The following ULK1 variants were observed in gnomAD, a reference collection of about 807,000 sequenced individuals.
The protein encoded by ULK1 is serine/threonine-protein kinase ULK1.
A neutral mutation model predicts 117.5 loss-of-function variants in ULK1; 48 were observed. That is an observed-to-expected ratio of 0.41 (90% CI 0.32 to 0.52). The LOEUF (loss-of-function observed/expected upper bound fraction) is 0.52, where lower values mean the gene tolerates loss of function less well. ULK1 is among the 20% of genes least tolerant of loss of function. ULK1 has a pLI of 0.29. For synonymous variants in ULK1, 790 were observed against 637.8 expected (o/e 1.24, Z -3.60); for missense variants, 1,387 against 1,473.4 (o/e 0.94, Z 0.96).
chr12:131,901,832 G>C (rs995851609), intron 3 of ULK1, among the ~76,000 whole-genome samples: 1 of 152,042 alleles, frequency 6.6e-6, no homozygotes, highest in Non-Finnish European at 1.5e-5. Flanking sequence ...GCCGGGTCTC[G>C]GGGGGAATGT....
chr12:131,917,961 G>A (rs1221037413), intron 22 of ULK1, among the ~76,000 whole-genome samples: 1 of 152,204 alleles, frequency 6.6e-6, no homozygotes, highest in Non-Finnish European at 1.5e-5. Flanking sequence ...GGTGTGTGGG[G>A]ATGCTCTGGG....
chr12:131,916,763 A>C (rs1889807323), intron 20 of ULK1, among the ~76,000 whole-genome samples, 172 bp downstream of exon 20: 1 of 152,110 alleles, frequency 6.6e-6, no homozygotes, highest in African/African-American at 2.4e-5. Flanking sequence ...GGCTGGCCCT[A>C]GACCCACAGC....
chr12:131,908,045 C>T (rs1206855606), intron 5 of ULK1, among the ~76,000 whole-genome samples: 2 of 151,920 alleles, frequency 1.3e-5, no homozygotes, highest in Admixed American at 6.5e-5. Context: ...TCCTGAGGGT[C>T]TGGAGGTGGC....
In ULK1 at chr12:131,908,586, G is replaced by T. The variant is rs1021552287; in HGVS notation, c.317-58G>T. ...TGGCGGGACCGGCCTGGCTGCGCGGGACTCACCCCTGGGGGAGGAAACACG... is the reference window on the plus strand; with the variant it reads ...TGGCGGGACCGGCCTGGCTGCGCGGTACTCACCCCTGGGGGAGGAAACACG... On this transcript the variant is annotated intron_variant, in intron 5 of 27. Transcript: ENST00000321867. The T allele has an allele frequency of 2.1e-6, 3 of 1,425,452 alleles. No homozygotes were observed. In the South Asian group the frequency reaches 4.5e-5, roughly 21 times the overall value. The allele number at this position is 1,425,452 out of a possible 1,614,324, so 88.3% of individuals were successfully genotyped here.
intron 5 of ULK1, among the ~76,000 whole-genome samples, chr12:131,907,862 T>G (rs947555892): frequency 3.8e-4 from 56 of 146,472 alleles, no homozygotes; most frequent in African/African-American, 1.4e-3. Flanking sequence ...CACCCAAAGT[T>G]GAGCCCTGTG....
intron 21 of ULK1, 28 bp from the exon 22 acceptor site, chr12:131,917,383 G>A: frequency 7.0e-7 from 1 of 1,434,514 alleles, no homozygotes; most frequent in Non-Finnish European, 9.1e-7. Context: ...GAGTCAGGAT[G>A]CTCCTGAGCC....
rs779123954 is a variant in ULK1 at position 131,917,449 on chromosome 12, G to A, written c.2221G>A (p.Ala741Thr). ...AGFGGSLHPG[A>T]RAGGTSSPSP... Reference sequence around the variant, plus strand: ...CTTTGGAGGGAGCCTGCACCCAGGAGCCCGTGCTGGGGGCACCAGCAGCCC... The same window carrying A: ...CTTTGGAGGGAGCCTGCACCCAGGAACCCGTGCTGGGGGCACCAGCAGCCC... The change falls in exon 22 of 28, where the codon GCC (alanine) becomes ACC (threonine). Residue 741 changes from alanine (A) to threonine (T), a missense_variant. By Grantham distance (58) the Ala-to-Thr change is moderately conservative. Coordinates refer to ENST00000321867, the MANE Select transcript of ULK1 (RefSeq NM_003565.4). 1.5e-5 allele frequency: 23 copies of A among 1,539,552 alleles called. No homozygotes were observed. Among genetic ancestry groups the A allele is most frequent in the Admixed American group, 3.9e-5 (2 of 50,900 alleles).
rs1297076903 is a variant in ULK1 at position 131,902,781 on chromosome 12, C to T, written c.247-4111C>T. Among the ~76,000 whole-genome samples the T allele has an allele frequency of 6.6e-6, 1 of 152,098 alleles. No individual in the cohort carries two copies. The highest frequency in any genetic ancestry group is 1.5e-5 in the Non-Finnish European group (1 of 68,008). On this transcript the variant is annotated intron_variant, in intron 3 of 27. Coordinates refer to ENST00000321867, the MANE Select transcript of ULK1 (RefSeq NM_003565.4). This position sits in a 1 kb window ranked among gnomAD's most constrained non-coding sequence, Gnocchi z 6.3. ...TGTGTGTCACCACGGGACGGACCCC[C>T]GGACCCTGTCTTGGGAGGCGAGCTG...
chr12:131,918,219 G>A (rs993432130), intron 22 of ULK1: 9 of 534,958 alleles, frequency 1.7e-5, no homozygotes, highest in Non-Finnish European at 1.0e-5. Flanking sequence ...GGCAGATCTG[G>A]GCTGGGGGTC....
chr12:131,921,107 C>T lies in ULK1; in HGVS notation c.2969C>T (p.Ser990Leu), dbSNP rs764121518. The T allele has an allele frequency of 1.6e-5, 26 of 1,594,380 alleles. No individual in the cohort carries two copies. The highest frequency in any genetic ancestry group is 5.3e-5 in the African/African-American group (4 of 74,778). The change falls in exon 27 of 28, where the codon TCG becomes TTG. Residue 990 changes from serine to leucine, a missense_variant. By Grantham distance (145) the Ser-to-Leu change is moderately radical (BLOSUM62 -2). Transcript: ENST00000321867. ...IFSHAVQMVQ[S>L]AALDEMFQHR... is the part of the protein sequence containing the mutation. ...CTCTGTCCTCGCCCCCAGGTGCAGTCGGCTGCCCTGGACGAGATGTTCCAG... is the reference window on the plus strand; with the variant it reads ...CTCTGTCCTCGCCCCCAGGTGCAGTTGGCTGCCCTGGACGAGATGTTCCAG...
rs540638586 is a variant in ULK1, at chr12:131,914,390, C to G, written c.1286C>G (p.Ser429Cys). ...TTCTCCAGCAGCAGGTGCGGCGCCT[C>G]TGTCCCCATCCCAGTCCCCACGCAG... ...GPFSSSRCGA[S>C]VPIPVPTQVQ... is the part of the protein sequence containing the mutation. The change falls in exon 16 of 28, where the codon TCT (serine) becomes TGT (cysteine). Residue 429 changes from serine (S) to cysteine (C), a missense_variant. Physicochemically the swap from Ser to Cys is moderately radical, Grantham distance 112. Around this residue, in one of 4 missense-constraint regions of ULK1, gnomAD observed 3 missense variants for 17.7 expected, o/e 0.17. Coordinates refer to ENST00000321867, the MANE Select transcript of ULK1 (RefSeq NM_003565.4). 6.2e-7 allele frequency: 1 copy of G among 1,612,546 alleles called. No individual in the cohort carries two copies. The highest frequency in any genetic ancestry group is 2.2e-5 in the East Asian group (1 of 44,890).
At chr12:131,915,732 G>T (rs1272846973) in intron 18 of ULK1, among the ~76,000 whole-genome samples, 159 bp from the exon 19 acceptor site, 1 of 152,082 alleles carries the variant, frequency 6.6e-6, no homozygotes, top group Admixed American at 6.5e-5. Flanking sequence ...TCATACCACC[G>T]CACTCCAGCC....
Position 131,910,268 on chromosome 12 carries a change from C to A in ULK1, c.823C>A (p.His275Asn). ...DRMDFDEFFH[H>N]PFLDASPSVR... ...TCCTCCTGCAGATGAGTTTTTTCAT[C>A]ACCCTTTCCTCGATGCCAGCCCCTC... The change falls in exon 11 of 28, where the codon CAC (histidine) becomes AAC (asparagine). Residue 275 changes from histidine to asparagine, a missense_variant. By Grantham distance (68) the His-to-Asn change is moderately conservative. Transcript: ENST00000321867. The A allele has an allele frequency of 6.2e-7, 1 of 1,613,814 alleles. No homozygotes were observed. Among genetic ancestry groups the A allele is most frequent in the Non-Finnish European group, 8.5e-7 (1 of 1,179,978 alleles).
Position 131,919,223 on chromosome 12 carries a change from G to A in ULK1, c.2523G>A (p.Thr841=), listed in dbSNP as rs757910714. ...GCCGCTTCCTGCAGCAAGAGCACAC[G>A]GAGATCCTGCGTGGCCTGCGCTTCA... ...PEETLMEQEH[T]EILRGLRFTL... is the part of the protein sequence containing the mutation. The change falls in exon 24 of 28, where the codon ACG becomes ACA. Residue 841 remains threonine, a synonymous_variant. Coordinates refer to ENST00000321867, the MANE Select transcript of ULK1 (RefSeq NM_003565.4). 17 of 1,595,082 alleles carry A rather than the reference G, an allele frequency of 1.1e-5. No individual in the cohort carries two copies. Among genetic ancestry groups the A allele is most frequent in the South Asian group, 2.2e-5 (2 of 90,776 alleles).
chr12:131,899,861 T>C (rs1889017420), intron 3 of ULK1, among the ~76,000 whole-genome samples: 1 of 152,218 alleles, frequency 6.6e-6, no homozygotes, highest in Non-Finnish European at 1.5e-5. Context: ...GGCTCACGCC[T>C]GTAATCCCAG....
At chr12:131,918,923 A>G (rs1412367935) in intron 23 of ULK1, among the ~76,000 whole-genome samples, 1 of 2,826 alleles carries the variant, frequency 3.5e-4, no homozygotes, top group African/African-American at 8.8e-4. Context: ...TGTGGGGTGC[A>G]GGGTGTGTGG....
chr12:131,913,566 G>T (rs375503977), intron 14 of ULK1, among the ~76,000 whole-genome samples, 181 bp from the exon 15 acceptor site: 1 of 151,896 alleles, frequency 6.6e-6, no homozygotes, highest in Non-Finnish European at 1.5e-5. Flanking sequence ...TTAGCCAGGC[G>T]TGGTGGCACA....
intron 2 of ULK1, 40 bp downstream of exon 2, chr12:131,895,733 G>A (rs749419290): frequency 8.1e-6 from 13 of 1,613,852 alleles, no homozygotes; most frequent in Non-Finnish European, 1.1e-5. Flanking sequence ...GCGTGGGCGT[G>A]GGCAAGCCCC....
rs1305229407 is a variant in ULK1, at chr12:131,909,148, A to G, written c.577A>G (p.Ile193Val). 2 of 1,608,510 alleles carry G rather than the reference A, an allele frequency of 1.2e-6. No individual in the cohort carries two copies. Among genetic ancestry groups the G allele is most frequent in the African/African-American group, 1.3e-5 (1 of 74,824 alleles). Residue 193 changes from isoleucine (I) to valine (V), a missense_variant, in exon 8 of 28, where the codon ATC (isoleucine) becomes GTC (valine). Ile to Val is a conservative substitution (Grantham distance 29). This residue lies in a region of ULK1 where 224 missense variants were observed against 325.2 expected (regional missense o/e 0.69). Transcript: ENST00000321867. Reference protein sequence around the residue: ...GSPMYMAPEVIMSQHYDGKAD... With the variant: ...GSPMYMAPEVVMSQHYDGKAD... ...TCTGGTCCCGCAGGCCCCCGAGGTC[A>G]TCATGTCCCAGCACTACGACGGGAA...
Sources: gnomAD v4.1 joint callset for allele counts (sites outside exome capture counted in the v4.1 genomes callset) on GRCh38, gnomAD v4.1.1 for gene constraint, gnomAD v4.1.1 regional missense constraint, Gnocchi (gnomAD v3.1) non-coding constraint, MANE v1.5 for transcripts, NCBI Gene and HGNC (gene_info 2026-07-23, HGNC 2026-07-21) for gene names.